CHTF18: variants seen among roughly 807,000 people sequenced by gnomAD.
CHTF18 encodes the protein chromosome transmission fidelity protein 18 homolog.
In CHTF18, 151 loss-of-function variants were observed where a neutral mutation model predicts 113.4. The ratio of observed to expected loss-of-function variants is 1.33; its 90% CI spans 1.17 to 1.52. CHTF18 has a LOEUF of 1.52. CHTF18 is among the 40% of genes most tolerant of loss of function. The pLI, the probability that CHTF18 is intolerant of heterozygous loss-of-function variation, is 0.00. For missense variants in CHTF18, 1,982 were observed against 1,381.6 expected, an observed-to-expected ratio of 1.43 and a Z score of -6.89; for synonymous variants, 916 against 598.8, an observed-to-expected ratio of 1.53 and a Z score of -7.74.
At chr16:794,625 T>C (rs185217172) in intron 15 of CHTF18, 2 of 237,222 alleles carry the variant, frequency 8.4e-6, no homozygotes, top group African/African-American at 2.2e-5. Context: ...GTCTGCTGAC[T>C]CTAAGCGGCT....
rs1470042190 is a variant in CHTF18 at position 792,792 on chromosome 16, T to C, written c.1553T>C (p.Leu518Pro). Residue 518 changes from leucine (L) to proline (P), a missense_variant, in exon 12 of 22, where the codon CTG (leucine) becomes CCG (proline). Physicochemically the swap from Leu to Pro is moderately conservative, Grantham distance 98. Transcript: ENST00000262315. ...LHFPPTLPSR[L>P]VQRLQEVSLR... ...TTCCCGCCGACTCTGCCCTCGAGGC[T>C]GGTGCAGCGGCTCCAGGAGGTCGGT... 6.5e-7 allele frequency: 1 copy of C among 1,542,924 alleles called. No individual in the cohort carries two copies. Among genetic ancestry groups the C allele is most frequent in the Non-Finnish European group, 8.7e-7 (1 of 1,148,264 alleles).
In CHTF18 at chr16:797,025, G is replaced by A. The variant is rs777311344; in HGVS notation, c.2666G>A (p.Arg889Gln). The A allele has an allele frequency of 3.8e-5, 59 of 1,559,584 alleles. No homozygotes were observed. The Middle Eastern group carries it at 8.6e-4, about 23-fold the overall frequency. The part of the protein sequence containing the change: ...LGGIGEKGVH[R>Q]PAPRNHEQRL... ...GGCATTGGGGAGAAAGGGGTGCACC[G>A]ACCTGCCCCACGCAACCATGAGCAG... Residue 889 changes from arginine to glutamine, a missense_variant, in exon 20 of 22, where the codon CGA becomes CAA. Transcript: ENST00000262315.
rs1243270082 is a variant in CHTF18, at chr16:795,764, C to T, written c.2255C>T (p.Ala752Val). The change falls in exon 17 of 22, where the codon GCC becomes GTC. Residue 752 changes from alanine to valine, a missense_variant. Coordinates refer to ENST00000262315, the MANE Select transcript of CHTF18 (RefSeq NM_022092.3). ...SGIAPATRSR[A>V]TPQALLLDAL... ...ATCGCGCCAGCCACGCGCAGCCGGG[C>T]CACGCCCCAGGCCCTGCTCCTCGAT... 8 of 1,609,168 alleles carry T rather than the reference C, an allele frequency of 5.0e-6. No individual in the cohort carries two copies. The highest frequency in any genetic ancestry group is 5.1e-6 in the Non-Finnish European group (6 of 1,178,838).
At position 788,639 on chromosome 16, in the gene CHTF18, C is replaced by G. The variant is rs753194348; in HGVS notation, c.-46C>G. The G allele has an allele frequency of 3.6e-5, 51 of 1,414,036 alleles. No individual in the cohort carries two copies. In the East Asian group the frequency reaches 1.4e-3, roughly 40 times the overall value. The allele number at this position is 1,414,036 out of a possible 1,614,324, so 87.6% of individuals were successfully genotyped here. A position where few individuals can be genotyped will look rare whatever the true frequency, so the allele number is the denominator to read the frequency against. The stretch of plus-strand genomic sequence containing the variant: ...CGGGGCGGGCAGTGCGCGACGGCGG[C>G]GGCGGCGCGGGAGGTTCGGAGCGGG... On this transcript the variant is annotated 5_prime_UTR_variant, in exon 1 of 22. Transcript: ENST00000262315.
rs2042166020 is a variant in CHTF18, at chr16:790,508, G to A, written c.753-17G>A. ...TCCCTGCGAGTTGTTTGTGGCTCAGGACGTGGTCCTCTCCAGTCTCAGGTC... is the reference window on the plus strand; with the variant it reads ...TCCCTGCGAGTTGTTTGTGGCTCAGAACGTGGTCCTCTCCAGTCTCAGGTC... On this transcript the variant is annotated splice_polypyrimidine_tract_variant and intron_variant, in intron 6 of 21. Coordinates refer to ENST00000262315, the MANE Select transcript of CHTF18 (RefSeq NM_022092.3). 6.2e-7 allele frequency: 1 copy of A among 1,604,342 alleles called. No homozygotes were observed. Among genetic ancestry groups the A allele is most frequent in the Non-Finnish European group, 8.5e-7 (1 of 1,176,174 alleles).
chr16:795,430 CGGCCCCG>C (rs2042311804), intron 16 of CHTF18, 74 bp downstream of exon 16: 1 of 1,068,910 alleles, frequency 9.4e-7, no homozygotes, highest in African/African-American at 1.9e-5. Context: ...TGGCTGCCCC[CGGCCCCG>C]TGCCCGCCCC....
intron 4 of CHTF18, 66 bp from the exon 5 acceptor site, chr16:790,111 T>C (rs763078383): frequency 6.5e-6 from 10 of 1,543,430 alleles, no homozygotes; most frequent in East Asian, 2.4e-5. Flanking sequence ...TGAGCACTGA[T>C]GGGGGCTGAC....
In CHTF18 at chr16:797,952, C is replaced by T. The variant is rs774688054; in HGVS notation, c.2905C>T (p.Leu969=). 2.0e-5 allele frequency: 33 copies of T among 1,612,140 alleles called. No homozygotes were observed. The highest frequency in any genetic ancestry group is 2.6e-5 in the Non-Finnish European group (31 of 1,179,674). Reference sequence around the variant, plus strand: ...TGTCTCCAACGCCGTGCGGCGCAGCCTGTACATCAGGGACTTGCTCTAGTT... The same window carrying T: ...TGTCTCCAACGCCGTGCGGCGCAGCTTGTACATCAGGGACTTGCTCTAGTT... ...EGVSNAVRRS[L]YIRDLL The change falls in exon 22 of 22, where the codon CTG becomes TTG. Residue 969 remains leucine (L), a synonymous_variant. Transcript: ENST00000262315.
chr16:798,023 G>C lies in CHTF18; in HGVS notation c.*48G>C, dbSNP rs780523349. On this transcript the variant is annotated 3_prime_UTR_variant, in exon 22 of 22. Transcript: ENST00000262315. ...CTCGCATTGCTTCCCGCAGAGTGCA[G>C]AGACAGGAAGCTGGAGATGTCTTTA... 6.3e-7 allele frequency: 1 copy of C among 1,576,582 alleles called. No homozygotes were observed. The highest frequency in any genetic ancestry group is 8.6e-7 in the Non-Finnish European group (1 of 1,159,950).
Position 790,640 on chromosome 16 carries a change from C to G in CHTF18, c.868C>G (p.His290Asp). The change falls in exon 7 of 22, where the codon CAC becomes GAC. Residue 290 changes from histidine (H) to aspartate (D), a missense_variant. His to Asp is a moderately conservative substitution (Grantham distance 81). Coordinates refer to ENST00000262315, the MANE Select transcript of CHTF18 (RefSeq NM_022092.3). ...CTGGGTGGATGAGTTTGCACCCCGC[C>G]ACTACACGGAGCTGCTCAGTGATGA... is the stretch of plus-strand genomic sequence containing the variant. ...CLWVDEFAPR[H>D]YTELLSDDFT... The G allele has an allele frequency of 1.3e-6, 2 of 1,595,394 alleles. No homozygotes were observed. The highest frequency in any genetic ancestry group is 2.2e-5 in the East Asian group (1 of 44,670).
chr16:797,042 C>T lies in CHTF18; in HGVS notation c.2683C>T (p.His895Tyr). ...KGVHRPAPRN[H>Y]EQRLEHIMRR... ...GGTGCACCGACCTGCCCCACGCAAC[C>T]ATGAGCAGCGGCTGGAGCACATCAT... The change falls in exon 20 of 22, where the codon CAT becomes TAT. Residue 895 changes from histidine (H) to tyrosine (Y), a missense_variant. Physicochemically the swap from His to Tyr is moderately conservative, Grantham distance 83. Coordinates refer to ENST00000262315, the MANE Select transcript of CHTF18 (RefSeq NM_022092.3). 4 of 1,561,638 alleles carry T rather than the reference C, an allele frequency of 2.6e-6. No individual in the cohort carries two copies. Among genetic ancestry groups the T allele is most frequent in the Non-Finnish European group, 3.5e-6 (4 of 1,154,340 alleles).
Position 795,184 on chromosome 16 carries a change from C to T in CHTF18, c.2003C>T (p.Ala668Val), listed in dbSNP as rs752093933. 1.3e-6 allele frequency: 2 copies of T among 1,558,908 alleles called. No individual in the cohort carries two copies. The highest frequency in any genetic ancestry group is 8.7e-7 in the Non-Finnish European group (1 of 1,151,638). Residue 668 changes from alanine to valine, a missense_variant, in exon 16 of 22, where the codon GCT becomes GTT. By Grantham distance (64) the Ala-to-Val change is moderately conservative. Transcript: ENST00000262315. ...CGGCTGCGAGACTCCAGCCTGGGTG[C>T]TGTGTGTGTGGCCCTCGACTGGCTG... ...RLRLRDSSLG[A>V]VCVALDWLAF...
intron 4 of CHTF18, 27 bp from the exon 5 acceptor site, chr16:790,150 G>C (rs771824649): frequency 4.5e-6 from 7 of 1,569,634 alleles, no homozygotes; most frequent in Admixed American, 1.9e-5. Context: ...GAGGGGCCCA[G>C]AGGCAATTGT....
At chr16:794,567 C>T (rs372667613) in intron 15 of CHTF18, 3 of 300,936 alleles carry the variant, frequency 1.0e-5, no homozygotes, top group East Asian at 6.8e-5. Flanking sequence ...GAGAGCAGTG[C>T]GGTGAGGGCT....
intron 7 of CHTF18, chr16:790,912 C>A (rs927993076): frequency 1.4e-6 from 2 of 1,432,436 alleles, no homozygotes; most frequent in Non-Finnish European, 9.1e-7. Context: ...CCCTTTCCTA[C>A]CTTCACAGCA....
rs1459664983 is a variant in CHTF18, at chr16:790,390, C to G, written c.743C>G (p.Thr248Ser). The G allele has an allele frequency of 4.3e-6, 7 of 1,612,368 alleles. No individual in the cohort carries two copies. Among genetic ancestry groups the G allele is most frequent in the South Asian group, 1.1e-5 (1 of 90,982 alleles). Residue 248 changes from threonine (T) to serine (S), a missense_variant, in exon 6 of 22, where the codon ACC (threonine) becomes AGC (serine). Thr to Ser is a moderately conservative substitution (Grantham distance 58). Transcript: ENST00000262315. ...CAGGAGGCCCAGAAGCTTTCAGACA[C>G]CCTGCACAGGTGACTTGGTTGGCCC... is the stretch of plus-strand genomic sequence containing the variant. ...LLQEAQKLSD[T>S]LHSLRSGEEE...
In CHTF18 at chr16:795,834, C is replaced by G. The variant is rs183561737; in HGVS notation, c.2325C>G (p.Pro775=). Residue 775 remains proline (P), a splice_region_variant and synonymous_variant, in exon 17 of 22, where the codon CCC becomes CCG. Coordinates refer to ENST00000262315, the MANE Select transcript of CHTF18 (RefSeq NM_022092.3). ...ACATTCTTGCACCCAAGCTCCGCCCCGTGAGTGCCGTCCCCGGGGTGGGGG... is the reference window on the plus strand; with the variant it reads ...ACATTCTTGCACCCAAGCTCCGCCCGGTGAGTGCCGTCCCCGGGGTGGGGG... ...LLDILAPKLR[P]VSTQLYSTRE... is the part of the protein sequence containing the mutation. The G allele has an allele frequency of 6.2e-7, 1 of 1,608,884 alleles. No individual in the cohort carries two copies. The highest frequency in any genetic ancestry group is 1.1e-5 in the South Asian group (1 of 90,544).
Position 794,070 on chromosome 16 carries a change from G to C in CHTF18, c.1819G>C (p.Asp607His), listed in dbSNP as rs368893176. 1 of 1,611,316 alleles carries C rather than the reference G, an allele frequency of 6.2e-7. No homozygotes were observed. The highest frequency in any genetic ancestry group is 1.7e-5 in the Admixed American group (1 of 59,984). Residue 607 changes from aspartate to histidine, a missense_variant, in exon 15 of 22, where the codon GAC (aspartate) becomes CAC (histidine). Asp to His is a moderately conservative substitution (Grantham distance 81). Coordinates refer to ENST00000262315, the MANE Select transcript of CHTF18 (RefSeq NM_022092.3). ...PRAQRRRVGQ[D>H]PALPADTLLL... ...CACCTGCAGGCGCCGTGTGGGCCAG[G>C]ACCCCGCCCTGCCTGCTGACACACT...
chr16:796,804 C>G lies in CHTF18; in HGVS notation c.2544C>G (p.Ile848Met), dbSNP rs79959913. Residue 848 changes from isoleucine (I) to methionine (M), a missense_variant, in exon 19 of 22, where the codon ATC becomes ATG. Coordinates refer to ENST00000262315, the MANE Select transcript of CHTF18 (RefSeq NM_022092.3). ...YQTKQLIARE[I>M]EVEKMRRAEA... is the part of the protein sequence containing the mutation. Reference sequence around the variant, plus strand: ...CGAAGCAGCTCATCGCCCGCGAGATCGAGGTGGAGAAGATGCGGCGGGCGG... The same window carrying G: ...CGAAGCAGCTCATCGCCCGCGAGATGGAGGTGGAGAAGATGCGGCGGGCGG... 12 of 1,611,382 alleles carry G rather than the reference C, an allele frequency of 7.4e-6. No individual in the cohort carries two copies. In the East Asian group the frequency reaches 1.8e-4, roughly 24 times the overall value.
Sources: gnomAD v4.1 joint callset for allele counts on GRCh38, gnomAD v4.1.1 for gene constraint, MANE v1.5 for transcripts, NCBI Gene and HGNC (gene_info 2026-07-23, HGNC 2026-07-21) for gene names.